Variants in TTN observed in about 807,000 individuals in gnomAD.
TTN encodes the protein titin, also known as connectin.
TTN carries 1,525 observed loss-of-function variants against 3,223.0 expected under a neutral mutation model. The observed-to-expected ratio is 0.47, with a 90% CI of 0.45 to 0.49. The LOEUF (loss-of-function observed/expected upper bound fraction) is 0.49. Ranked by LOEUF, TTN falls within the 20% of genes least tolerant of loss-of-function variation. The pLI is 0.00. For missense variants in TTN, 40,786 were observed against 43,424.0 expected (o/e 0.94, Z 5.40); for synonymous variants, 14,094 against 15,161.0 (o/e 0.93, Z 5.17).
At chr2:178,736,125 G>C in intron 49 of TTN, 51 bp from the exon 50 acceptor site, 1 of 1,465,008 alleles carries the variant, frequency 6.8e-7, no homozygotes, top group Non-Finnish European at 9.2e-7. Flanking sequence ...CAAAGCACTT[G>C]CTGTAATTAT....
chr2:178,612,273 A>G lies in TTN; in HGVS notation c.50248+4T>C, dbSNP rs1295304554. The G allele has an allele frequency of 6.2e-7, 1 of 1,611,466 alleles. No individual in the cohort carries two copies. Among genetic ancestry groups the G allele is most frequent in the East Asian group, 2.2e-5 (1 of 44,550 alleles). ...TGTCACAAAGATTAAGTGCAAGAGC[A>G]TACTAAAGGTGTCTTTGGCCAGCAC... On this transcript the variant is annotated splice_donor_region_variant and intron_variant, in intron 266 of 362. Transcript: ENST00000589042.
Position 178,620,128 on chromosome 2 carries a change from G to A in TTN, c.46305-16C>T. ...AAATTTGTATCTAAAGGAGACATTG[G>A]ATTATCAGTTAGCTTGCAATGATGG... On this transcript the variant is annotated splice_polypyrimidine_tract_variant and intron_variant, in intron 248 of 362. Coordinates refer to ENST00000589042, the MANE Select transcript of TTN (RefSeq NM_001267550.2). 6.2e-7 allele frequency: 1 copy of A among 1,604,302 alleles called. No individual in the cohort carries two copies. The highest frequency in any genetic ancestry group is 2.2e-5 in the East Asian group (1 of 44,634).
chr2:178,798,784 G>A (rs1445862029), intron 6 of TTN: 1 of 152,234 alleles, frequency 6.6e-6, no homozygotes, highest in African/African-American at 2.4e-5. Context: ...ATCTGATAGA[G>A]GAAGTGATCC....
chr2:178,720,514 T>C lies in TTN; in HGVS notation c.23248A>G (p.Ile7750Val). Residue 7750 changes from isoleucine (I) to valine (V), a missense_variant, in exon 80 of 363, where the codon ATC becomes GTC. Transcript: ENST00000589042. ...CTTGTATCAAAATGTTTTGAAGTGA[T>C]TTTAAATTTCTTGCTGTTTCTAACC... ...KQVRNSKKFK[I>V]TSKHFDTSLH... The C allele has an allele frequency of 6.2e-7, 1 of 1,613,668 alleles. No homozygotes were observed. The highest frequency in any genetic ancestry group is 8.5e-7 in the Non-Finnish European group (1 of 1,179,666).
At chr2:178,678,041 A>G (rs2068497913) in intron 145 of TTN, 84 bp downstream of exon 145, 1 of 1,555,732 alleles carries the variant, frequency 6.4e-7, no homozygotes, top group South Asian at 1.2e-5. Flanking sequence ...CAACATAAAT[A>G]CTAAGCATTA....
At position 178,604,854 on chromosome 2, in the gene TTN, C is replaced by T. The variant is rs777598789; in HGVS notation, c.54235G>A (p.Ala18079Thr). 1 of 1,612,328 alleles carries T rather than the reference C, an allele frequency of 6.2e-7. No individual in the cohort carries two copies. The highest frequency in any genetic ancestry group is 1.1e-5 in the South Asian group (1 of 90,952). The change falls in exon 281 of 363, where the codon GCT (alanine) becomes ACT (threonine). Residue 18079 changes from alanine (A) to threonine (T), a missense_variant. Coordinates refer to ENST00000589042, the MANE Select transcript of TTN (RefSeq NM_001267550.2). The stretch of plus-strand genomic sequence containing the variant: ...TCCCATGTCAAGTAGCAAGATTCAG[C>T]TTTAATGTCAGTAACAGCAAGATTT... ...PRNLAVTDIK[A>T]ESCYLTWDAP...
intron 218 of TTN, 26 bp downstream of exon 218, chr2:178,644,522 T>A: frequency 6.5e-7 from 1 of 1,545,080 alleles, no homozygotes. Flanking sequence ...ACTACATAAG[T>A]ATGTATTTTT....
chr2:178,728,227 C>G lies in TTN; in HGVS notation c.19597G>C (p.Glu6533Gln). 1.9e-6 allele frequency: 3 copies of G among 1,613,208 alleles called. No homozygotes were observed. The highest frequency in any genetic ancestry group is 2.5e-6 in the Non-Finnish European group (3 of 1,179,432). ...TTAACTTCCAGAGACACAGATCTCT[C>G]ATGGCACACAAGTCTGTATTTTGCA... ...TSAKYRLVCH[E>Q]RSVSLEVNNL... Residue 6533 changes from glutamate (E) to glutamine (Q), a missense_variant, in exon 67 of 363, where the codon GAG (glutamate) becomes CAG (glutamine). Physicochemically the swap from Glu to Gln is conservative, Grantham distance 29 (BLOSUM62 2). Coordinates refer to ENST00000589042, the MANE Select transcript of TTN (RefSeq NM_001267550.2).
intron 332 of TTN, 105 bp downstream of exon 332, chr2:178,554,348 A>G: frequency 7.0e-7 from 1 of 1,431,632 alleles, no homozygotes; most frequent in East Asian, 2.3e-5. Context: ...AAGGATGGTA[A>G]TGAGACAGGT....
chr2:178,628,739 A>G (rs2059396994), intron 240 of TTN: 1 of 152,226 alleles, frequency 6.6e-6, no homozygotes, highest in Admixed American at 6.6e-5. Context: ...GTTGCACTTT[A>G]AATAGTCCAC....
chr2:178,692,356 C>T, intron 120 of TTN, 141 bp downstream of exon 120: 2 of 946,118 alleles, frequency 2.1e-6, no homozygotes, highest in Non-Finnish European at 3.2e-6. Context: ...AACACATCAC[C>T]ACAAATAAAT....
rs1239511094 is a variant in TTN, at chr2:178,774,381, T to C, written c.6883A>G (p.Ile2295Val). ...TCATTATGATACCATTTTCCTTCTA[T>C]ATTTTCTGGGGATACAATGCACTCT... ...ELECIVSPENIEGKWYHNDVE... is the reference protein window; with the variant it reads ...ELECIVSPENVEGKWYHNDVE... Residue 2295 changes from isoleucine (I) to valine (V), a missense_variant, in exon 30 of 363, where the codon ATA becomes GTA. Ile to Val is a conservative substitution (Grantham distance 29, BLOSUM62 3). Coordinates refer to ENST00000589042, the MANE Select transcript of TTN (RefSeq NM_001267550.2). 1.9e-6 allele frequency: 3 copies of C among 1,613,954 alleles called. No homozygotes were observed. In the African/African-American group the frequency reaches 4.0e-5, roughly 22 times the overall value.
chr2:178,758,086 T>A (rs1048833856), intron 44 of TTN, among the ~76,000 whole-genome samples, 170 bp from the exon 45 acceptor site: 2 of 152,156 alleles, frequency 1.3e-5, no homozygotes, highest in African/African-American at 4.8e-5. Flanking sequence ...CAAGTTCACT[T>A]CCATTTCCCA....
chr2:178,733,492 T>C lies in TTN; in HGVS notation c.15801A>G (p.Ala5267=). ...CTCCTGCTGTCACCTGGATCAGTTCTGCTCGCTCAATGATTTTGGCAGGTT... is the reference window on the plus strand; with the variant it reads ...CTCCTGCTGTCACCTGGATCAGTTCCGCTCGCTCAATGATTTTGGCAGGTT... The part of the protein sequence containing the change: ...VKEPAKIIER[A]ELIQVTAGDP... The change falls in exon 54 of 363, where the codon GCA becomes GCG. Residue 5267 remains alanine, a synonymous_variant. Transcript: ENST00000589042. The C allele has an allele frequency of 1.2e-6, 2 of 1,611,842 alleles. No homozygotes were observed. Among genetic ancestry groups the C allele is most frequent in the Non-Finnish European group, 8.5e-7 (1 of 1,178,400 alleles).
chr2:178,748,568 G>A, intron 47 of TTN: 1 of 1,613,054 alleles, frequency 6.2e-7, no homozygotes, highest in Non-Finnish European at 8.5e-7. Flanking sequence ...AATGTTCTCA[G>A]TGTCAGCAGG....
chr2:178,608,700 T>C lies in TTN; in HGVS notation c.52311A>G (p.Glu17437=). Residue 17437 remains glutamate, a synonymous_variant, in exon 274 of 363, where the codon GAA becomes GAG. Coordinates refer to ENST00000589042, the MANE Select transcript of TTN (RefSeq NM_001267550.2). ...TTACACGGAAGAGGTACTCTTTTCC[T>C]TCAATCAGTTTTGTTACTGAATATT... The part of the protein sequence containing the change: ...HCKYSVTKLI[E]GKEYLFRVRA... 6.2e-7 allele frequency: 1 copy of C among 1,612,478 alleles called. No individual in the cohort carries two copies.
At chr2:178,679,188 G>A (rs1465615267) in intron 142 of TTN, 151 bp downstream of exon 142, 7 of 754,654 alleles carry the variant, frequency 9.3e-6, no homozygotes, top group Admixed American at 2.8e-5. Context: ...GATGAATACC[G>A]GGTAAACTGC....
intron 155 of TTN, 22 bp from the exon 156 acceptor site, chr2:178,671,192 G>A: frequency 1.3e-6 from 2 of 1,560,114 alleles, no homozygotes; most frequent in South Asian, 2.5e-5. Flanking sequence ...TTAGTATTTT[G>A]GTTTAGAATG....
chr2:178,689,350 C>T lies in TTN; in HGVS notation c.31951G>A (p.Val10651Ile). 16 of 1,613,832 alleles carry T rather than the reference C, an allele frequency of 9.9e-6. No homozygotes were observed. The highest frequency in any genetic ancestry group is 1.4e-5 in the Non-Finnish European group (16 of 1,179,846). Residue 10651 changes from valine to isoleucine, a missense_variant, in exon 124 of 363, where the codon GTT (valine) becomes ATT (isoleucine). Val to Ile is a conservative substitution (Grantham distance 29, BLOSUM62 3). Coordinates refer to ENST00000589042, the MANE Select transcript of TTN (RefSeq NM_001267550.2). Reference sequence around the variant, plus strand: ...GGAACAGGTTTCCTTTCTTCAGGAACTTTCTTCTTTGGTATTTCTGGCACT... The same window carrying T: ...GGAACAGGTTTCCTTTCTTCAGGAATTTTCTTCTTTGGTATTTCTGGCACT... ...PAVPEIPKKK[V>I]PEERKPVPRK...
Sources: allele counts gnomAD v4.1 joint callset (sites outside exome capture counted in the v4.1 genomes callset), GRCh38; gene constraint gnomAD v4.1.1; transcripts MANE v1.5; gene names NCBI Gene and HGNC (gene_info 2026-07-23, HGNC 2026-07-21).